Variants in DGKB observed in about 807,000 individuals in gnomAD.
The protein encoded by DGKB is diacylglycerol kinase beta.
Under a neutral mutation model 114.3 loss-of-function variants are expected in DGKB, and 67 were observed. The observed-to-expected ratio is 0.59, with a 90% CI of 0.48 to 0.72. The LOEUF (loss-of-function observed/expected upper bound fraction) is 0.72. Among genes scored for constraint, DGKB ranks in the 30% least tolerant of loss-of-function variants. DGKB has a pLI of 0.00. For missense variants in DGKB, 907 were observed against 975.2 expected, an observed-to-expected ratio of 0.93 and a Z score of 0.93; for synonymous variants, 398 against 323.1, an observed-to-expected ratio of 1.23 and a Z score of -2.49.
chr7:14,841,379 G>C lies in DGKB; in HGVS notation c.-116C>G, dbSNP rs543597445. 4 of 829,924 alleles carry C rather than the reference G, an allele frequency of 4.8e-6. No homozygotes were observed. Among genetic ancestry groups the C allele is most frequent in the South Asian group, 3.9e-5 (2 of 50,886 alleles). The allele number at this position is 829,924 out of a possible 1,614,324, so 51.4% of individuals were successfully genotyped here. ...CATGTTTCATGATAAAATACCTCAG[G>C]CTTTCAAAATATGCAATCTGTCCAC... On this transcript the variant is annotated 5_prime_UTR_variant, in exon 2 of 26. Transcript: ENST00000402815.
At chr7:14,878,755 C>CAAAAAAAA (rs5882472) in intron 1 of DGKB, among the ~76,000 whole-genome samples, 4 of 113,274 alleles carry the variant, frequency 3.5e-5, no homozygotes, top group African/African-American at 1.1e-4. Flanking sequence ...TCTCAAAAAA[C>CAAAAAAAA]AAAAAAAAAA....
chr7:14,422,224 C>T (rs17720717), intron 21 of DGKB, among the ~76,000 whole-genome samples: 70 of 151,956 alleles, frequency 4.6e-4, no homozygotes, highest in Non-Finnish European at 8.5e-4. Context: ...AACAAAGTAT[C>T]GCTGTACTTC....
chr7:14,704,651 G>A (rs925916277), intron 6 of DGKB, among the ~76,000 whole-genome samples: 2 of 151,988 alleles, frequency 1.3e-5, no homozygotes. Context: ...CTTCAAGTGG[G>A]TCCCTAACCC....
At chr7:14,301,467 A>C (rs1211500546) in intron 23 of DGKB, among the ~76,000 whole-genome samples, 4 of 152,152 alleles carry the variant, frequency 2.6e-5, no homozygotes, top group Admixed American at 1.3e-4. Flanking sequence ...CAGAGACAAC[A>C]GCAATACTGA....
chr7:14,509,121 C>T (rs1787576870), intron 20 of DGKB, among the ~76,000 whole-genome samples: 1 of 152,102 alleles, frequency 6.6e-6, no homozygotes, highest in Non-Finnish European at 1.5e-5. Flanking sequence ...TGTTTTGATT[C>T]CTGGTCAATT....
At chr7:14,161,125 G>T (rs181960557) in intron 25 of DGKB, among the ~76,000 whole-genome samples, 1 of 152,116 alleles carries the variant, frequency 6.6e-6, no homozygotes, top group Non-Finnish European at 1.5e-5. Context: ...AACATCTCAC[G>T]CCAGTTAGAA....
chr7:14,247,382 T>C (rs768999046), intron 23 of DGKB, among the ~76,000 whole-genome samples: 3 of 152,168 alleles, frequency 2.0e-5, no homozygotes, highest in Non-Finnish European at 2.9e-5. Context: ...TTTAGATTGC[T>C]GGATCATAGG....
Position 14,168,238 on chromosome 7 carries a change from A to G in DGKB, c.2304+8601T>C, listed in dbSNP as rs536854729. ...GAGAAAAATGTCAGTGAATTCAAAC[A>G]CAGGTGAATAGATATCCAATGTAAA... On this transcript the variant is annotated intron_variant, in intron 25 of 25. Transcript: ENST00000402815. 2.4e-4 allele frequency among the ~76,000 whole-genome samples: 36 copies of G among 152,342 alleles called. No homozygotes were observed. The South Asian group carries it at 7.0e-3, about 30-fold the overall frequency.
intron 5 of DGKB, among the ~76,000 whole-genome samples, chr7:14,720,664 CTTAT>C (rs796444656): frequency 1.8e-3 from 276 of 152,024 alleles, no homozygotes; most frequent in African/African-American, 6.4e-3. Context: ...AAAATGAAGT[CTTAT>C]TTATTTCAAA....
intron 20 of DGKB, among the ~76,000 whole-genome samples, chr7:14,571,710 C>T (rs1003557159): frequency 6.6e-6 from 1 of 152,128 alleles, no homozygotes; most frequent in African/African-American, 2.4e-5. Context: ...ATATTAAAAG[C>T]CGAAGTGATT....
intron 21 of DGKB, among the ~76,000 whole-genome samples, chr7:14,465,004 C>T (rs1584147364): frequency 1.3e-5 from 2 of 152,126 alleles, no homozygotes; most frequent in African/African-American, 4.8e-5. Flanking sequence ...ACAGGGGCGA[C>T]TCTCAGTGGA....
At chr7:14,880,060 G>A (rs908616519) in intron 1 of DGKB, among the ~76,000 whole-genome samples, 2 of 152,092 alleles carry the variant, frequency 1.3e-5, no homozygotes, top group African/African-American at 4.8e-5. Flanking sequence ...TTCAGTTGAA[G>A]GATCAAAGTG....
intron 1 of DGKB, among the ~76,000 whole-genome samples, chr7:14,844,545 T>C (rs1465228799): frequency 1.3e-5 from 2 of 152,184 alleles, no homozygotes; most frequent in African/African-American, 4.8e-5. Context: ...CTGATCACTC[T>C]TACATTTCTG....
chr7:14,629,265 CACTT>C (rs1023644488), intron 14 of DGKB, among the ~76,000 whole-genome samples: 7 of 152,014 alleles, frequency 4.6e-5, no homozygotes, highest in Non-Finnish European at 1.0e-4. Flanking sequence ...GTCACCAACT[CACTT>C]AAAGAATATA....
At chr7:14,795,396 A>C (rs1024453891) in intron 2 of DGKB, among the ~76,000 whole-genome samples, 5 of 152,190 alleles carry the variant, frequency 3.3e-5, no homozygotes, top group African/African-American at 1.2e-4. Flanking sequence ...CCTTATTGCA[A>C]TGTAGAAGAA....
At chr7:14,349,029 G>T (rs1221239928) in intron 21 of DGKB, among the ~76,000 whole-genome samples, 1 of 152,006 alleles carries the variant, frequency 6.6e-6, no homozygotes, top group Non-Finnish European at 1.5e-5. Flanking sequence ...CGTGAACTTT[G>T]TTTTATGGGC....
At chr7:14,864,691 G>T (rs1045395041) in intron 1 of DGKB, among the ~76,000 whole-genome samples, 9 of 151,456 alleles carry the variant, frequency 5.9e-5, no homozygotes, top group Non-Finnish European at 1.2e-4. Context: ...CAGGCAGAAA[G>T]AACAATATAC....
intron 2 of DGKB, among the ~76,000 whole-genome samples, chr7:14,793,888 A>G (rs889044801): frequency 1.1e-4 from 17 of 152,088 alleles, no homozygotes; most frequent in African/African-American, 3.9e-4. Context: ...GCATTACCCA[A>G]TCCACTGAGG....
At chr7:14,215,974 C>T (rs150773594) in intron 23 of DGKB, among the ~76,000 whole-genome samples, 3 of 151,950 alleles carry the variant, frequency 2.0e-5, no homozygotes, top group Non-Finnish European at 4.4e-5. Flanking sequence ...CAGATTCATT[C>T]ACAAACAGTT....
Sources: allele counts gnomAD v4.1 joint callset (sites outside exome capture counted in the v4.1 genomes callset), GRCh38; gene constraint gnomAD v4.1.1; transcripts MANE v1.5; gene names NCBI Gene and HGNC (gene_info 2026-07-23, HGNC 2026-07-21).